The following EPHA6 variants were observed in gnomAD, a reference collection of about 807,000 sequenced individuals.
EPHA6 encodes the protein EPH receptor A6, also known as ephrin type-A receptor 6.
A neutral mutation model predicts 112.0 loss-of-function variants in EPHA6; 50 were observed. The ratio of observed to expected loss-of-function variants is 0.45; its 90% CI spans 0.36 to 0.56. The LOEUF (loss-of-function observed/expected upper bound fraction) is 0.56. Among genes scored for constraint, EPHA6 ranks in the 20% least tolerant of loss-of-function variants. EPHA6 has a pLI of 0.00. For synonymous variants in EPHA6, 529 were observed against 490.7 expected (o/e 1.08, Z -1.03); for missense variants, 1,280 against 1,417.4 (o/e 0.90, Z 1.56).
chr3:97,627,920 C>A (rs2093872197), intron 13 of EPHA6, among the ~76,000 whole-genome samples: 1 of 151,888 alleles, frequency 6.6e-6, no homozygotes, highest in Non-Finnish European at 1.5e-5. Flanking sequence ...CAAAAGTTCC[C>A]CCAGTTGAGT....
chr3:97,523,912 A>G (rs555519991), intron 10 of EPHA6, among the ~76,000 whole-genome samples: 11 of 152,100 alleles, frequency 7.2e-5, no homozygotes, highest in African/African-American at 2.6e-4. Context: ...ATACAAGCAT[A>G]ATCACTCCCA....
intron 3 of EPHA6, among the ~76,000 whole-genome samples, chr3:97,128,880 T>TG (rs11399426): frequency 0.013 from 1,923 of 148,548 alleles, 59 homozygotes; most frequent in African/African-American, 0.046. Context: ...GTCTTTTTTT[T>TG]TTTTTTTTTT....
chr3:96,902,926 G>A (rs1490657853), intron 2 of EPHA6, among the ~76,000 whole-genome samples: 2 of 152,124 alleles, frequency 1.3e-5, no homozygotes, highest in East Asian at 1.9e-4. Flanking sequence ...GTAAATAGAC[G>A]AGAGAGAAGT....
At chr3:97,466,437 A>G (rs910930062) in intron 7 of EPHA6, 9 of 1,556,852 alleles carry the variant, frequency 5.8e-6, no homozygotes, top group Non-Finnish European at 8.0e-6. Flanking sequence ...ATTTCAAGTG[A>G]CAAAACTGTA....
intron 2 of EPHA6, among the ~76,000 whole-genome samples, chr3:96,947,420 C>T (rs2107708842): frequency 6.6e-6 from 1 of 152,214 alleles, no homozygotes; most frequent in Non-Finnish European, 1.5e-5. Flanking sequence ...TTTCCCAGCA[C>T]CATTTATTAA....
At chr3:97,267,106 A>G (rs1030197987) in intron 5 of EPHA6, among the ~76,000 whole-genome samples, 1 of 152,130 alleles carries the variant, frequency 6.6e-6, no homozygotes, top group African/African-American at 2.4e-5. Context: ...ACTTTTTGTT[A>G]TACTGGCTTG....
At chr3:97,394,243 T>C (rs755100498) in intron 5 of EPHA6, among the ~76,000 whole-genome samples, 27 of 151,956 alleles carry the variant, frequency 1.8e-4, no homozygotes, top group Non-Finnish European at 3.1e-4. Flanking sequence ...ACTAGATCCC[T>C]GTCTCTCACC....
intron 3 of EPHA6, among the ~76,000 whole-genome samples, chr3:97,052,356 T>C (rs2045709637): frequency 6.6e-6 from 1 of 152,174 alleles, no homozygotes; most frequent in Non-Finnish European, 1.5e-5. Flanking sequence ...CAGGAATTTT[T>C]CCCTACTTCC....
intron 3 of EPHA6, among the ~76,000 whole-genome samples, chr3:97,004,909 G>T (rs2107918359): frequency 6.6e-6 from 1 of 152,278 alleles, no homozygotes; most frequent in East Asian, 1.9e-4. Flanking sequence ...GTTTGTCAAG[G>T]ATCAGATGGT....
rs193243945 is a variant in EPHA6 at position 97,436,961 on chromosome 3, G to A, written c.1732-11607G>A. 7.2e-5 allele frequency among the ~76,000 whole-genome samples: 11 copies of A among 151,838 alleles called. No individual in the cohort carries two copies. In the East Asian group the frequency reaches 1.6e-3, roughly 21 times the overall value. ...GATACAACAAGTGCATTCAACCCGC[G>A]GCCCACACGTGGCCCAGGACGGCTT... On this transcript the variant is annotated intron_variant, in intron 6 of 17. Transcript: ENST00000389672.
chr3:97,481,665 CG>C (rs2091555139), intron 9 of EPHA6, among the ~76,000 whole-genome samples: 1 of 151,734 alleles, frequency 6.6e-6, no homozygotes, highest in South Asian at 2.1e-4. Flanking sequence ...CTGCCTTCAA[CG>C]GCCGCCCGGC....
At chr3:97,301,874 G>A (rs75978059) in intron 5 of EPHA6, among the ~76,000 whole-genome samples, 3,899 of 151,882 alleles carry the variant, frequency 0.026, 68 homozygotes, top group Non-Finnish European at 0.036. Context: ...TCACTCACCC[G>A]TATATTGAGC....
At chr3:97,525,397 C>T (rs2092604563) in intron 10 of EPHA6, among the ~76,000 whole-genome samples, 1 of 152,026 alleles carries the variant, frequency 6.6e-6, no homozygotes, top group Non-Finnish European at 1.5e-5. Context: ...CATTGTTCTC[C>T]TTATTTCTTT....
Position 96,885,062 on chromosome 3 carries a change from C to G in EPHA6, c.450+18173C>G, listed in dbSNP as rs180989830. 8.9e-4 allele frequency among the ~76,000 whole-genome samples: 135 copies of G among 152,176 alleles called. 3 individuals carry two copies. The highest frequency in any genetic ancestry group is 3.1e-3 in the African/African-American group (128 of 41,432). On this transcript the variant is annotated intron_variant, in intron 2 of 17. Transcript: ENST00000389672. ...TGTATGTTAAACCATCCCTCCACCACTGGTATGAAACCCACATGATCATGG... is the reference window on the plus strand; with the variant it reads ...TGTATGTTAAACCATCCCTCCACCAGTGGTATGAAACCCACATGATCATGG...
intron 3 of EPHA6, among the ~76,000 whole-genome samples, chr3:97,052,914 A>G (rs16838020): frequency 0.013 from 2,005 of 152,140 alleles, 46 homozygotes; most frequent in African/African-American, 0.044. Context: ...ATTGTCAACT[A>G]TGGTGGTGGA....
At chr3:97,184,073 T>A (rs1030619481) in intron 3 of EPHA6, among the ~76,000 whole-genome samples, 1 of 152,160 alleles carries the variant, frequency 6.6e-6, no homozygotes, top group Non-Finnish European at 1.5e-5. Flanking sequence ...TTGTATAACA[T>A]TAATTTTGGA....
At chr3:97,718,907 GC>G (rs1459763894) in intron 14 of EPHA6, among the ~76,000 whole-genome samples, 11 of 152,042 alleles carry the variant, frequency 7.2e-5, no homozygotes, top group Non-Finnish European at 1.2e-4. Context: ...AAATTTCCAA[GC>G]CCTGGGCTCA....
At chr3:97,295,262 A>G (rs997963303) in intron 5 of EPHA6, among the ~76,000 whole-genome samples, 30 of 151,722 alleles carry the variant, frequency 2.0e-4, no homozygotes, top group African/African-American at 5.1e-4. Flanking sequence ...GACTTTTTTC[A>G]TGCTTTTTTA....
At chr3:97,296,092 T>C (rs1576869907) in intron 5 of EPHA6, among the ~76,000 whole-genome samples, 2 of 152,032 alleles carry the variant, frequency 1.3e-5, no homozygotes, top group East Asian at 3.9e-4. Context: ...GTATGTGGCA[T>C]GGGTGGTGGC....
Sources: allele counts gnomAD v4.1 joint callset (sites outside exome capture counted in the v4.1 genomes callset), GRCh38; gene constraint gnomAD v4.1.1; transcripts MANE v1.5; gene names NCBI Gene and HGNC (gene_info 2026-07-23, HGNC 2026-07-21).